OFD1: variants seen among roughly 807,000 people sequenced by gnomAD.
The protein encoded by OFD1 is OFD1 centriole and centriolar satellite protein, also known as centriole and centriolar satellite protein OFD1.
In OFD1, 12 loss-of-function variants were observed where a neutral mutation model predicts 81.4. The ratio of observed to expected loss-of-function variants is 0.15; its 90% CI spans 0.09 to 0.24. The LOEUF (loss-of-function observed/expected upper bound fraction) is 0.24, where lower values mean the gene tolerates loss of function less well. OFD1 is among the 10% of genes least tolerant of loss of function. The probability of loss-of-function intolerance (pLI) is 1.00; values close to 1 mark genes in which losing one functional copy is unlikely to be tolerated. For missense variants in OFD1, 685 were observed against 733.9 expected, an observed-to-expected ratio of 0.93 and a Z score of 0.77; for synonymous variants, 256 against 263.7, an observed-to-expected ratio of 0.97 and a Z score of 0.28.
downstream of OFD1, chrX:13,772,299 G>A (rs911373245): frequency 8.9e-6 from 1 of 111,809 alleles, no homozygotes; most frequent in Non-Finnish European, 1.9e-5. Flanking sequence ...ATTTCTGATT[G>A]GCTCAGGAAA....
chrX:13,742,857 G>A (rs908714174), intron 5 of OFD1, among the ~76,000 whole-genome samples: 1 of 111,275 alleles, frequency 9.0e-6, no homozygotes, highest in Non-Finnish European at 1.9e-5. Flanking sequence ...AAGACCCAGT[G>A]TCGAAACCCA....
chrX:13,767,281 A>G lies in OFD1; in HGVS notation c.2754A>G (p.Glu918=), dbSNP rs374685069. 1 of 1,208,691 alleles carries G rather than the reference A, an allele frequency of 8.3e-7. No individual in the cohort carries two copies. Among genetic ancestry groups the G allele is most frequent in the African/African-American group, 1.7e-5 (1 of 57,164 alleles). ...GAGAACTAGAAAAACTGTATCAGGA[A>G]AGGGTAATAAGTATGACTTGATTCT... ...ERRELEKLYQ[E]RKMIEESLKI... The change falls in exon 20 of 23, where the codon GAA becomes GAG. Residue 918 remains glutamate, a synonymous_variant. Coordinates refer to ENST00000340096, the MANE Select transcript of OFD1 (RefSeq NM_003611.3).
At chrX:13,756,234 G>A (rs1009581503) in intron 12 of OFD1, among the ~76,000 whole-genome samples, 94 of 111,407 alleles carry the variant, frequency 8.4e-4, no homozygotes, top group African/African-American at 3.0e-3. Flanking sequence ...GATTACGGGC[G>A]TGAGCCACCA....
the OFD1 span, chrX:13,715,495 C>T: frequency 8.8e-6 from 1 of 113,914 alleles, no homozygotes; most frequent in East Asian, 2.8e-4. Context: ...CTATTGTTAT[C>T]ACTGCAGTGT....
chrX:13,764,761 T>C (rs2048062855), intron 19 of OFD1, among the ~76,000 whole-genome samples: 1 of 112,484 alleles, frequency 8.9e-6, no homozygotes, highest in Admixed American at 9.4e-5. Flanking sequence ...ATGTTGCTGA[T>C]TCCAGAGTAA....
At chrX:13,754,187 T>C (rs1368073958) in intron 11 of OFD1, among the ~76,000 whole-genome samples, 1 of 111,006 alleles carries the variant, frequency 9.0e-6, no homozygotes, top group Non-Finnish European at 1.9e-5. Flanking sequence ...CTCAGCGTGT[T>C]AGCCAGGATG....
chrX:13,758,350 C>A lies in OFD1; in HGVS notation c.1556C>A (p.Ala519Glu). ...KQLQDEIEHS[A>E]QLKAQILGYK... is the part of the protein sequence containing the mutation. ...GAATCTTTTCAGATTGAGCATTCTG[C>A]ACAGCTGAAGGCCCAGATTCTAGGT... The change falls in exon 15 of 23, where the codon GCA becomes GAA. Residue 519 changes from alanine to glutamate, a missense_variant. Physicochemically the swap from Ala to Glu is moderately radical, Grantham distance 107. Coordinates refer to ENST00000340096, the MANE Select transcript of OFD1 (RefSeq NM_003611.3). 1 of 1,193,501 alleles carries A rather than the reference C, an allele frequency of 8.4e-7. No homozygotes were observed. Among genetic ancestry groups the A allele is most frequent in the Non-Finnish European group, 1.1e-6 (1 of 879,505 alleles).
intron 7 of OFD1, 87 bp downstream of exon 7, chrX:13,746,542 A>G: frequency 9.3e-7 from 1 of 1,076,587 alleles, no homozygotes; most frequent in Non-Finnish European, 1.3e-6. Flanking sequence ...GAAAATATCT[A>G]GAACTTTTAA....
chrX:13,761,904 CT>C (rs747167069), intron 17 of OFD1, among the ~76,000 whole-genome samples: 1,379 of 68,936 alleles, frequency 0.02, 56 homozygotes, highest in Admixed American at 0.15. Context: ...AGTCCTAAAG[CT>C]TTTTTTTTTT....
chrX:13,737,394 A>G (rs185981683), intron 3 of OFD1, among the ~76,000 whole-genome samples: 1,547 of 106,854 alleles, frequency 0.014, 31 homozygotes, highest in African/African-American at 0.05. Flanking sequence ...TTTTTTTAAT[A>G]GACTTTATTT....
chrX:13,758,039 T>TG (rs775841169), intron 14 of OFD1, among the ~76,000 whole-genome samples: 49 of 111,941 alleles, frequency 4.4e-4, no homozygotes, highest in African/African-American at 1.5e-3. Context: ...GAGTGCCTGA[T>TG]GGTGCCCACT....
intron 9 of OFD1, among the ~76,000 whole-genome samples, chrX:13,749,950 T>A (rs1356233633): frequency 8.9e-6 from 1 of 112,571 alleles, no homozygotes; most frequent in African/African-American, 3.2e-5. Flanking sequence ...ACTTGACTTG[T>A]ACTTGGTGAA....
At position 13,758,372 on chromosome X, in the gene OFD1, A is replaced by G; in HGVS notation, c.1578A>G (p.Leu526=). 2 of 1,207,087 alleles carry G rather than the reference A, an allele frequency of 1.7e-6. No homozygotes were observed. Among genetic ancestry groups the G allele is most frequent in the Non-Finnish European group, 2.2e-6 (2 of 891,540 alleles). The change falls in exon 15 of 23, where the codon CTA becomes CTG. Residue 526 remains leucine, a synonymous_variant. Transcript: ENST00000340096. Reference sequence around the variant, plus strand: ...CTGCACAGCTGAAGGCCCAGATTCTAGGTTACAAAGCTTCTGTAAAGAGTT... The same window carrying G: ...CTGCACAGCTGAAGGCCCAGATTCTGGGTTACAAAGCTTCTGTAAAGAGTT... ...EHSAQLKAQI[L]GYKASVKSLT...
At chrX:13,760,835 G>C in intron 16 of OFD1, 115 bp downstream of exon 16, 1 of 972,858 alleles carries the variant, frequency 1.0e-6, no homozygotes, top group Non-Finnish European at 1.4e-6. Context: ...CTAGTGTTTG[G>C]CACACAGAGC....
intron 2 of OFD1, among the ~76,000 whole-genome samples, chrX:13,735,577 A>G (rs1427309560): frequency 8.9e-6 from 1 of 112,641 alleles, no homozygotes; most frequent in Non-Finnish European, 1.9e-5. Flanking sequence ...TCAAATAATT[A>G]ATTGAACTGA....
upstream of OFD1, among the ~76,000 whole-genome samples, chrX:13,730,722 G>C (rs180963487): frequency 1.5e-3 from 171 of 111,347 alleles, no homozygotes; most frequent in East Asian, 0.036. Context: ...ATACACCATG[G>C]AATACTATGC....
At chrX:13,773,310 C>CTTT, downstream of OFD1, 2 of 137,889 alleles carry the variant, frequency 1.5e-5, no homozygotes. Flanking sequence ...CGAGAGGGTG[C>CTTT]TTTTTTTTTT....
At chrX:13,736,004 T>C (rs2046848266) in intron 2 of OFD1, 1 of 298,991 alleles carries the variant, frequency 3.3e-6, no homozygotes, top group Admixed American at 8.2e-5. Flanking sequence ...TTAAAAGTTT[T>C]TTGAAATCTT....
chrX:13,765,502 A>G (rs1484432064), intron 19 of OFD1, among the ~76,000 whole-genome samples: 6 of 111,543 alleles, frequency 5.4e-5, no homozygotes, highest in Admixed American at 1.9e-4. Flanking sequence ...TTTTAATTTC[A>G]TGAGAAGGAT....
Sources: allele counts gnomAD v4.1 joint callset (sites outside exome capture counted in the v4.1 genomes callset), GRCh38; gene constraint gnomAD v4.1.1; transcripts MANE v1.5; gene names NCBI Gene and HGNC (gene_info 2026-07-23, HGNC 2026-07-21).